YAP1: variants seen among roughly 807,000 people sequenced by gnomAD.
YAP1 encodes the protein Yes1 associated transcriptional regulator.
In YAP1, 5 loss-of-function variants were observed where a neutral mutation model predicts 56.9. The ratio of observed to expected loss-of-function variants is 0.09; its 90% CI spans 0.05 to 0.18. The LOEUF (loss-of-function observed/expected upper bound fraction) is 0.18, where lower values mean the gene tolerates loss of function less well. Ranked by LOEUF, YAP1 falls within the 10% of genes least tolerant of loss-of-function variation. The pLI is 1.00. For synonymous variants in YAP1, 265 were observed against 248.1 expected, an observed-to-expected ratio of 1.07 and a Z score of -0.64; for missense variants, 539 against 651.8, an observed-to-expected ratio of 0.83 and a Z score of 1.88.
chr11:102,197,699 T>G (rs1009069413), intron 4 of YAP1, among the ~76,000 whole-genome samples: 1 of 152,210 alleles, frequency 6.6e-6, no homozygotes, highest in Non-Finnish European at 1.5e-5. Context: ...ATTGCATAAT[T>G]TTTAAAATTC....
chr11:102,138,654 C>G (rs1944825731), intron 2 of YAP1, among the ~76,000 whole-genome samples: 2 of 152,154 alleles, frequency 1.3e-5, no homozygotes, highest in South Asian at 4.1e-4. Context: ...TTGTTGCTTT[C>G]TCTCCCTCCC....
intron 3 of YAP1, among the ~76,000 whole-genome samples, chr11:102,172,854 T>C (rs946835078): frequency 6.6e-6 from 1 of 152,016 alleles, no homozygotes; most frequent in Non-Finnish European, 1.5e-5. Flanking sequence ...GTGAGAGCCA[T>C]GTGAATATCT....
chr11:102,132,399 T>C (rs1381539445), intron 2 of YAP1, among the ~76,000 whole-genome samples: 1 of 152,266 alleles, frequency 6.6e-6, no homozygotes, highest in Non-Finnish European at 1.5e-5. Context: ...CAGTTTACTT[T>C]GCATTCTGAC....
Position 102,148,491 on chromosome 11 carries a change from GTACTTAACGTGTGC to G in YAP1, c.573-13961_573-13948del, listed in dbSNP as rs540825460. 1.8e-3 allele frequency among the ~76,000 whole-genome samples: 272 copies of G among 152,254 alleles called. 2 individuals carry two copies. The highest frequency in any genetic ancestry group is 3.4e-3 in the Middle Eastern group (1 of 294). On this transcript the variant is annotated intron_variant, in intron 2 of 8. Transcript: ENST00000282441. ...GTTCACTCAGTTCAATAAATCCCGT[GTACTTAACGTGTGC>G]TACACACTGATGGTTTTTGGATGGC...
intron 2 of YAP1, among the ~76,000 whole-genome samples, chr11:102,157,105 T>A (rs1373068097): frequency 6.6e-6 from 1 of 152,240 alleles, no homozygotes; most frequent in Admixed American, 6.5e-5. Flanking sequence ...CAGCCTTCAG[T>A]GATAGCTTAA....
At chr11:102,175,262 T>G (rs1212941251) in intron 3 of YAP1, among the ~76,000 whole-genome samples, 3 of 152,120 alleles carry the variant, frequency 2.0e-5, no homozygotes, top group Non-Finnish European at 4.4e-5. Context: ...TAGCCGGGCA[T>G]GGTGGTACAC....
chr11:102,142,431 G>A (rs1307341458), intron 2 of YAP1, among the ~76,000 whole-genome samples: 1 of 152,188 alleles, frequency 6.6e-6, no homozygotes, highest in Non-Finnish European at 1.5e-5. Flanking sequence ...AGAAGTTTGA[G>A]ATTTTAACTT....
At chr11:102,191,281 T>C (rs1948265015) in intron 4 of YAP1, among the ~76,000 whole-genome samples, 1 of 152,066 alleles carries the variant, frequency 6.6e-6, no homozygotes, top group South Asian at 2.1e-4. Context: ...TTCTGATCAC[T>C]GCAGAACATT....
rs908939410 is a variant in YAP1 at position 102,232,956 on chromosome 11, C to A, written c.*3016C>A. 4 of 152,154 alleles carry A rather than the reference C, an allele frequency of 2.6e-5. No individual in the cohort carries two copies. The highest frequency in any genetic ancestry group is 1.3e-4 in the Admixed American group (2 of 15,278). 9.4% of individuals were successfully genotyped at this position (152,154 alleles called of 1,614,324 possible). The stretch of plus-strand genomic sequence containing the variant: ...GTTAAGTATTCATATTAAATACATG[C>A]CTTCTATATGGAACATGGCAGAAAG... On this transcript the variant is annotated 3_prime_UTR_variant, in exon 9 of 9. Coordinates refer to ENST00000282441, the MANE Select transcript of YAP1 (RefSeq NM_001130145.3).
At chr11:102,156,142 C>T (rs1257324869) in intron 2 of YAP1, among the ~76,000 whole-genome samples, 1 of 152,110 alleles carries the variant, frequency 6.6e-6, no homozygotes, top group Non-Finnish European at 1.5e-5. Flanking sequence ...TTTTTGACAT[C>T]TGACATGTAG....
At chr11:102,207,076 T>G (rs565959260) in intron 5 of YAP1, among the ~76,000 whole-genome samples, 97 of 152,202 alleles carry the variant, frequency 6.4e-4, no homozygotes, top group Non-Finnish European at 1.0e-3. Context: ...TGGTTAAATC[T>G]ACTAAGTTCA....
chr11:102,163,181 A>G (rs934748368), intron 3 of YAP1, among the ~76,000 whole-genome samples: 6 of 151,714 alleles, frequency 4.0e-5, no homozygotes, highest in Non-Finnish European at 7.4e-5. Context: ...ATCTTTTTCT[A>G]CCTCTTATTT....
chr11:102,170,846 G>A (rs1029625855), intron 3 of YAP1, among the ~76,000 whole-genome samples: 9 of 151,902 alleles, frequency 5.9e-5, no homozygotes. Context: ...GTGGGTGCCT[G>A]TAATCCCAGC....
intron 4 of YAP1, among the ~76,000 whole-genome samples, chr11:102,191,893 A>C (rs1948305750): frequency 6.6e-6 from 1 of 152,056 alleles, no homozygotes; most frequent in African/African-American, 2.4e-5. Flanking sequence ...GGCTGGTCTC[A>C]AACCCCTGGG....
intron 4 of YAP1, among the ~76,000 whole-genome samples, chr11:102,189,823 C>G (rs934305887): frequency 3.3e-5 from 5 of 151,972 alleles, no homozygotes; most frequent in Non-Finnish European, 4.4e-5. Flanking sequence ...AGACTAAAGC[C>G]GAAGGTTGTT....
chr11:102,165,375 A>C (rs548877518), intron 3 of YAP1, among the ~76,000 whole-genome samples: 1 of 152,204 alleles, frequency 6.6e-6, no homozygotes, highest in Admixed American at 6.5e-5. Flanking sequence ...CAACAACAAA[A>C]ATTTTTGTCT....
intron 2 of YAP1, among the ~76,000 whole-genome samples, chr11:102,156,111 C>T (rs1037593672): frequency 1.3e-5 from 2 of 152,192 alleles, no homozygotes; most frequent in African/African-American, 2.4e-5. Flanking sequence ...TGTCTGTAAC[C>T]TATATAAGAA....
At chr11:102,212,753 G>A (rs994569237) in intron 6 of YAP1, among the ~76,000 whole-genome samples, 1 of 151,942 alleles carries the variant, frequency 6.6e-6, no homozygotes, top group African/African-American at 2.4e-5. Context: ...GGCTAATTTT[G>A]TGTTTTTGGT....
chr11:102,223,270 A>AAG (rs1756525714), intron 6 of YAP1, among the ~76,000 whole-genome samples: 1 of 147,914 alleles, frequency 6.8e-6, no homozygotes. Context: ...AAAAAAAAAA[A>AAG]AAGAAGAATT....
Sources: allele counts gnomAD v4.1 joint callset (sites outside exome capture counted in the v4.1 genomes callset), GRCh38; gene constraint gnomAD v4.1.1; transcripts MANE v1.5; gene names NCBI Gene and HGNC (gene_info 2026-07-23, HGNC 2026-07-21).